The following SYT1 variants were observed in gnomAD, a reference collection of about 807,000 sequenced individuals.
The protein encoded by SYT1 is synaptotagmin 1.
Under a neutral mutation model 44.8 loss-of-function variants are expected in SYT1, and 8 were observed. The observed-to-expected ratio is 0.18, with a 90% CI of 0.10 to 0.32. The LOEUF is 0.32. SYT1 is among the 10% of genes least tolerant of loss of function. SYT1 has a pLI of 1.00. For synonymous variants in SYT1, 154 were observed against 188.8 expected (o/e 0.82, Z 1.51); for missense variants, 286 against 509.3 (o/e 0.56, Z 4.22).
rs1329426598 is a variant in SYT1, at chr12:79,088,791, TGTGA to T, written c.-18+41431_-18+41434del. Among the ~76,000 whole-genome samples the T allele has an allele frequency of 5.3e-5, 8 of 150,798 alleles. No homozygotes were observed. The East Asian group carries it at 7.9e-4, about 15-fold the overall frequency. Reference sequence around the variant, plus strand: ...GTGTGTGTGTGTGTATGTGTGTGTGTGTGAGGGGGCAGAGAGAAGTGGTCAAAAT... The same window carrying T: ...GTGTGTGTGTGTGTATGTGTGTGTGTGGGGGCAGAGAGAAGTGGTCAAAAT... On this transcript the variant is annotated intron_variant, in intron 3 of 10. Transcript: ENST00000261205.
At chr12:79,432,160 A>G (rs1053861553) in intron 9 of SYT1, among the ~76,000 whole-genome samples, 1 of 152,096 alleles carries the variant, frequency 6.6e-6, no homozygotes, top group Non-Finnish European at 1.5e-5. Flanking sequence ...TATTAATACT[A>G]TAAAATTTCA....
chr12:79,439,894 C>T (rs575657619), intron 9 of SYT1, among the ~76,000 whole-genome samples: 13 of 144,984 alleles, frequency 9.0e-5, no homozygotes, highest in African/African-American at 3.4e-4. Context: ...GGTTTGGAGT[C>T]AGGATAGACT....
chr12:79,444,527 C>A (rs562620991), intron 10 of SYT1, among the ~76,000 whole-genome samples: 8 of 152,128 alleles, frequency 5.3e-5, no homozygotes, highest in African/African-American at 1.2e-4. Context: ...TATGAGCTTT[C>A]ACTATTTACT....
intron 1 of SYT1, among the ~76,000 whole-genome samples, chr12:78,873,662 T>C (rs1279797932): frequency 1.3e-5 from 2 of 151,678 alleles, no homozygotes; most frequent in African/African-American, 2.4e-5. Context: ...TCCAAACTTA[T>C]CTCTTATTAT....
intron 8 of SYT1, among the ~76,000 whole-genome samples, chr12:79,338,354 T>C (rs539350380): frequency 6.6e-6 from 1 of 151,760 alleles, no homozygotes; most frequent in South Asian, 2.1e-4. Context: ...CATAGCTCAC[T>C]GCAGCTTCAA....
intron 2 of SYT1, among the ~76,000 whole-genome samples, chr12:79,029,284 C>T (rs1872702619): frequency 6.7e-6 from 1 of 150,140 alleles, no homozygotes; most frequent in Non-Finnish European, 1.5e-5. Flanking sequence ...TCAGCATCAA[C>T]AGTACAAATT....
At chr12:79,282,182 C>T (rs1879086261) in intron 4 of SYT1, among the ~76,000 whole-genome samples, 1 of 152,178 alleles carries the variant, frequency 6.6e-6, no homozygotes. Context: ...AATCTAATCA[C>T]ACTTGCAAAG....
chr12:79,033,049 A>C (rs1378168232), intron 2 of SYT1, among the ~76,000 whole-genome samples: 1 of 151,342 alleles, frequency 6.6e-6, no homozygotes, highest in Admixed American at 6.6e-5. Flanking sequence ...TGCCTGTTCT[A>C]AGGAATTAAT....
At chr12:79,378,764 A>T (rs1351285389) in intron 9 of SYT1, among the ~76,000 whole-genome samples, 1 of 152,206 alleles carries the variant, frequency 6.6e-6, no homozygotes, top group African/African-American at 2.4e-5. Context: ...CTAGGTCAGT[A>T]GTGATTAATC....
chr12:79,044,506 G>C (rs1225078564), intron 2 of SYT1, among the ~76,000 whole-genome samples: 1 of 142,902 alleles, frequency 7.0e-6, no homozygotes, highest in Non-Finnish European at 1.5e-5. Context: ...CTCTGTATTG[G>C]TTATTCTAGT....
chr12:78,920,829 A>C (rs1023126462), intron 1 of SYT1, among the ~76,000 whole-genome samples: 1 of 151,964 alleles, frequency 6.6e-6, no homozygotes, highest in African/African-American at 2.4e-5. Context: ...GATAATGATG[A>C]ACTTTTAGTG....
intron 3 of SYT1, among the ~76,000 whole-genome samples, chr12:79,106,601 G>T (rs1878734603): frequency 6.6e-6 from 1 of 150,564 alleles, no homozygotes; most frequent in Non-Finnish European, 1.5e-5. Context: ...CTCTCATAGG[G>T]AACTTTTTTT....
chr12:78,883,739 A>C (rs1020040024), intron 1 of SYT1, among the ~76,000 whole-genome samples: 1 of 151,434 alleles, frequency 6.6e-6, no homozygotes, highest in Non-Finnish European at 1.5e-5. Flanking sequence ...TTTCCCTTTC[A>C]CTTTCTCTCC....
chr12:79,067,486 C>CT (rs1016340707), intron 3 of SYT1, among the ~76,000 whole-genome samples: 21 of 152,142 alleles, frequency 1.4e-4, no homozygotes, highest in African/African-American at 4.3e-4. Flanking sequence ...AGAGGCTTTT[C>CT]TTTTTTTAAC....
chr12:78,947,023 A>G (rs973634515), intron 1 of SYT1, among the ~76,000 whole-genome samples: 3 of 152,124 alleles, frequency 2.0e-5, no homozygotes, highest in Non-Finnish European at 4.4e-5. Flanking sequence ...ACCAAAACCC[A>G]AGTTTTGTTT....
At chr12:79,289,138 C>A (rs1341459607) in intron 5 of SYT1, among the ~76,000 whole-genome samples, 1 of 152,158 alleles carries the variant, frequency 6.6e-6, no homozygotes, top group Non-Finnish European at 1.5e-5. Context: ...TGAGAATGAA[C>A]AAATGCTCCT....
At chr12:79,223,492 G>T (rs1310122412) in intron 4 of SYT1, among the ~76,000 whole-genome samples, 1 of 152,182 alleles carries the variant, frequency 6.6e-6, no homozygotes, top group Non-Finnish European at 1.5e-5. Context: ...CAGCAGGTAT[G>T]GCACTGGGGC....
intron 9 of SYT1, among the ~76,000 whole-genome samples, chr12:79,417,271 G>T (rs1025068933): frequency 6.6e-6 from 1 of 152,124 alleles, no homozygotes; most frequent in Non-Finnish European, 1.5e-5. Flanking sequence ...AGGTGGCCAG[G>T]TGGTTGGTTT....
chr12:79,110,166 C>T lies in SYT1; in HGVS notation c.-18+62804C>T, dbSNP rs569653963. Reference sequence around the variant, plus strand: ...AGTAAACCTTACTTTAATTTATCTCCGAATAGAAGATTGAAGGAAGACCCT... The same window carrying T: ...AGTAAACCTTACTTTAATTTATCTCTGAATAGAAGATTGAAGGAAGACCCT... On this transcript the variant is annotated intron_variant, in intron 3 of 10. Coordinates refer to ENST00000261205, the MANE Select transcript of SYT1 (RefSeq NM_005639.3). Among the ~76,000 whole-genome samples the T allele has an allele frequency of 1.8e-4, 27 of 152,022 alleles. No homozygotes were observed. The South Asian group carries it at 4.3e-3, about 24-fold the overall frequency.
Sources: gnomAD v4.1 joint callset for allele counts (sites outside exome capture counted in the v4.1 genomes callset) on GRCh38, gnomAD v4.1.1 for gene constraint, MANE v1.5 for transcripts, NCBI Gene and HGNC (gene_info 2026-07-23, HGNC 2026-07-21) for gene names.